The following DOK6 variants were observed in gnomAD, a reference collection of about 807,000 sequenced individuals.
DOK6 encodes the protein downstream of tyrosine kinase 6.
A neutral mutation model predicts 44.0 loss-of-function variants in DOK6; 22 were observed. The ratio of observed to expected loss-of-function variants is 0.50; its 90% CI spans 0.36 to 0.71. The LOEUF (loss-of-function observed/expected upper bound fraction) is 0.71. DOK6 is among the 30% of genes least tolerant of loss of function. The pLI, the probability that DOK6 is intolerant of heterozygous loss-of-function variation, is 0.00. For missense variants in DOK6, 340 were observed against 416.4 expected (o/e 0.82, Z 1.60); for synonymous variants, 166 against 145.5 (o/e 1.14, Z -1.01).
intron 1 of DOK6, among the ~76,000 whole-genome samples, chr18:69,548,282 C>T (rs1982465475): frequency 6.6e-6 from 1 of 151,384 alleles, no homozygotes; most frequent in Non-Finnish European, 1.5e-5. Flanking sequence ...ATCCAGTTGT[C>T]CATTGACGGA....
At position 69,513,744 on chromosome 18, in the gene DOK6, AT is replaced by A. The variant is rs1981440118; in HGVS notation, c.67-50741del. ...ATAAAAAAAATTTCAGTTAAGCTAA[AT>A]TGCTTAGCAGTGAATCAATGCATTT... On this transcript the variant is annotated intron_variant, in intron 1 of 7. Coordinates refer to ENST00000382713, the MANE Select transcript of DOK6 (RefSeq NM_152721.6). Among the ~76,000 whole-genome samples the A allele has an allele frequency of 2.0e-5, 3 of 152,314 alleles. No individual in the cohort carries two copies. In the South Asian group the frequency reaches 6.2e-4, roughly 32 times the overall value.
At chr18:69,469,885 G>T in intron 1 of DOK6, 2 of 233,352 alleles carry the variant, frequency 8.6e-6, no homozygotes, top group South Asian at 8.5e-5. Context: ...CCCAGGAAGT[G>T]ACGGCATCTG....
intron 1 of DOK6, among the ~76,000 whole-genome samples, chr18:69,500,100 T>G (rs1981006117): frequency 6.6e-6 from 1 of 152,182 alleles, no homozygotes; most frequent in South Asian, 2.1e-4. Flanking sequence ...GCCAGAACGA[T>G]GCTTGATACA....
chr18:69,746,673 C>A (rs1210776707), intron 6 of DOK6, among the ~76,000 whole-genome samples: 1 of 152,068 alleles, frequency 6.6e-6, no homozygotes, highest in Non-Finnish European at 1.5e-5. Flanking sequence ...TAAATATTAC[C>A]TTTTATTTGT....
rs140027692 is a variant in DOK6 at position 69,621,599 on chromosome 18, G to A, written c.289+22101G>A. Among the ~76,000 whole-genome samples the A allele has an allele frequency of 2.5e-3, 385 of 152,258 alleles. 3 individuals are homozygous for A. Among genetic ancestry groups the A allele is most frequent in the African/African-American group, 8.9e-3 (370 of 41,552 alleles). Reference sequence around the variant, plus strand: ...TAAGCTGGATAAGCTGGGGAGTGAGGCCATGGTGGTGATTGAATTGAAAAG... The same window carrying A: ...TAAGCTGGATAAGCTGGGGAGTGAGACCATGGTGGTGATTGAATTGAAAAG... On this transcript the variant is annotated intron_variant, in intron 3 of 7. Transcript: ENST00000382713.
rs552348569 is a variant in DOK6 at position 69,534,739 on chromosome 18, C to G, written c.67-29748C>G. ...CTCGTTCCTTTATCTATCGTTGCAT[C>G]AAAACAACATATTCTTAATTCCAAT... is the stretch of plus-strand genomic sequence containing the variant. On this transcript the variant is annotated intron_variant, in intron 1 of 7. Coordinates refer to ENST00000382713, the MANE Select transcript of DOK6 (RefSeq NM_152721.6). Among the ~76,000 whole-genome samples the G allele has an allele frequency of 9.0e-4, 137 of 151,974 alleles. 1 individual carries two copies. Among genetic ancestry groups the G allele is most frequent in the Non-Finnish European group, 1.6e-3 (107 of 67,974 alleles).
intron 7 of DOK6, among the ~76,000 whole-genome samples, chr18:69,813,441 T>C (rs1357646529): frequency 1.3e-5 from 2 of 152,126 alleles, no homozygotes; most frequent in Non-Finnish European, 2.9e-5. Flanking sequence ...TTGTCCCTAA[T>C]GTTTCTATGC....
At chr18:69,502,281 A>G (rs1306142385) in intron 1 of DOK6, among the ~76,000 whole-genome samples, 1 of 152,092 alleles carries the variant, frequency 6.6e-6, no homozygotes, top group African/African-American at 2.4e-5. Context: ...TATATTCAAC[A>G]GATAAGGCTC....
At chr18:69,509,215 A>G (rs1370916636) in intron 1 of DOK6, among the ~76,000 whole-genome samples, 1 of 152,180 alleles carries the variant, frequency 6.6e-6, no homozygotes, top group South Asian at 2.1e-4. Flanking sequence ...CCTGGTTCCC[A>G]GAATAATTTA....
Position 69,408,711 on chromosome 18 carries a change from C to G in DOK6, c.66+7401C>G, listed in dbSNP as rs144644664. Among the ~76,000 whole-genome samples, 881 of 152,220 alleles carry G rather than the reference C, an allele frequency of 5.8e-3. 8 individuals are homozygous for G. The highest frequency in any genetic ancestry group is 0.019 in the African/African-American group (800 of 41,524). ...GCAGTATGTGTTGACATAGTCATGC[C>G]TCACATAGTATGACAGTGTTAGCTA... On this transcript the variant is annotated intron_variant, in intron 1 of 7. Coordinates refer to ENST00000382713, the MANE Select transcript of DOK6 (RefSeq NM_152721.6).
rs369047365 is a variant in DOK6, at chr18:69,568,572, G to A, written c.174+3978G>A. Among the ~76,000 whole-genome samples, 801 of 152,320 alleles carry A rather than the reference G, an allele frequency of 5.3e-3. 9 individuals are homozygous for A. The highest frequency in any genetic ancestry group is 6.8e-3 in the Middle Eastern group (2 of 294). On this transcript the variant is annotated intron_variant, in intron 2 of 7. Coordinates refer to ENST00000382713, the MANE Select transcript of DOK6 (RefSeq NM_152721.6). Reference sequence around the variant, plus strand: ...GCAATATTGGCCATGGCAATGGGATGACTAAAACCAGCAGTTCCCAACTAC... The same window carrying A: ...GCAATATTGGCCATGGCAATGGGATAACTAAAACCAGCAGTTCCCAACTAC...
chr18:69,503,969 A>G (rs555448822), intron 1 of DOK6, among the ~76,000 whole-genome samples: 2 of 152,202 alleles, frequency 1.3e-5, no homozygotes, highest in African/African-American at 4.8e-5. Flanking sequence ...TTAAAGAACT[A>G]TCGAGAATTC....
intron 1 of DOK6, among the ~76,000 whole-genome samples, chr18:69,470,427 G>T (rs911291734): frequency 1.3e-5 from 2 of 152,158 alleles, no homozygotes; most frequent in African/African-American, 4.8e-5. Flanking sequence ...TCCTTTTCTG[G>T]CCTGGCCCTG....
chr18:69,590,273 T>A (rs1983594030), intron 2 of DOK6, among the ~76,000 whole-genome samples: 1 of 152,162 alleles, frequency 6.6e-6, no homozygotes, highest in Non-Finnish European at 1.5e-5. Flanking sequence ...ACGGATTTCA[T>A]AATGAGCCAG....
intron 6 of DOK6, among the ~76,000 whole-genome samples, chr18:69,752,766 G>A (rs981858318): frequency 1.3e-5 from 2 of 152,150 alleles, no homozygotes; most frequent in Non-Finnish European, 2.9e-5. Flanking sequence ...CTTGATTCCT[G>A]AGGCACAGCG....
rs538055449 is a variant in DOK6 at position 69,430,519 on chromosome 18, C to A, written c.66+29209C>A. Among the ~76,000 whole-genome samples, 8 of 152,246 alleles carry A rather than the reference C, an allele frequency of 5.3e-5. No homozygotes were observed. In the East Asian group the frequency reaches 1.4e-3, roughly 26 times the overall value. On this transcript the variant is annotated intron_variant, in intron 1 of 7. Coordinates refer to ENST00000382713, the MANE Select transcript of DOK6 (RefSeq NM_152721.6). ...TAGTTGGACTTACCCAAAATCTCCCCCGCTTCCTCATTAGGATTAGTATCA... is the reference window on the plus strand; with the variant it reads ...TAGTTGGACTTACCCAAAATCTCCCACGCTTCCTCATTAGGATTAGTATCA...
In DOK6 at chr18:69,401,140, GGCGGCGGCCGGCTGGATGCGAGACCC is replaced by G; in HGVS notation, c.-101_-76del. ...AAGAGCGGGCGGCGGCGCTGCTGCT[GGCGGCGGCCGGCTGGATGCGAGACCC>G]GCGCAGACCCGGCGGCGGACGGCGG... On this transcript the variant is annotated 5_prime_UTR_variant, in exon 1 of 8. It removes an upstream start codon present in the reference 5' UTR. Transcript: ENST00000382713. 1 of 1,200,712 alleles carries G rather than the reference GGCGGCGGCCGGCTGGATGCGAGACCC, an allele frequency of 8.3e-7. No homozygotes were observed. The highest frequency in any genetic ancestry group is 1.1e-6 in the Non-Finnish European group (1 of 923,030). 74.4% of individuals were successfully genotyped at this position (1,200,712 alleles called of 1,614,324 possible).
chr18:69,702,451 G>A (rs1356745236), intron 5 of DOK6, among the ~76,000 whole-genome samples: 1 of 152,136 alleles, frequency 6.6e-6, no homozygotes, highest in African/African-American at 2.4e-5. Context: ...ATTGCACAGA[G>A]CTTCAATTGA....
chr18:69,757,664 T>A (rs1396369299), intron 6 of DOK6, 92 bp from the exon 7 acceptor site: 6 of 1,011,414 alleles, frequency 5.9e-6, no homozygotes, highest in Non-Finnish European at 7.7e-6. Context: ...AGATTCTATC[T>A]GTCACTCACA....
Sources: gnomAD v4.1 joint callset for allele counts (sites outside exome capture counted in the v4.1 genomes callset) on GRCh38, gnomAD v4.1.1 for gene constraint, MANE v1.5 for transcripts, NCBI Gene and HGNC (gene_info 2026-07-23, HGNC 2026-07-21) for gene names.